PALS1: variants seen among roughly 807,000 people sequenced by gnomAD.
PALS1 encodes protein PALS1.
Under a neutral mutation model 78.9 loss-of-function variants are expected in PALS1, and 31 were observed. The observed-to-expected ratio is 0.39, with a 90% CI of 0.30 to 0.53. The LOEUF is 0.53. Ranked by LOEUF, PALS1 falls within the 20% of genes least tolerant of loss-of-function variation. PALS1 has a pLI of 0.67. For missense variants in PALS1, 704 were observed against 826.5 expected (o/e 0.85, Z 1.82); for synonymous variants, 276 against 270.9 (o/e 1.02, Z -0.18).
chr14:67,330,551 C>T (rs182521349), intron 14 of PALS1, among the ~76,000 whole-genome samples: 23 of 150,638 alleles, frequency 1.5e-4, no homozygotes, highest in Admixed American at 1.2e-3. Flanking sequence ...CTCTGCCTCC[C>T]GGGTTCAAGC....
chr14:67,280,895 CTTT>C (rs2084599923), intron 3 of PALS1, among the ~76,000 whole-genome samples: 3 of 103,602 alleles, frequency 2.9e-5, no homozygotes, highest in African/African-American at 1.1e-4. Flanking sequence ...TCTTTCTTTT[CTTT>C]CTTTCTTTTT....
Position 67,279,103 on chromosome 14 carries a change from G to T in PALS1, c.-68G>T. The T allele has an allele frequency of 2.9e-6, 4 of 1,375,414 alleles. No individual in the cohort carries two copies. The highest frequency in any genetic ancestry group is 2.9e-6 in the Non-Finnish European group (3 of 1,036,916). 85.2% of individuals were successfully genotyped at this position (1,375,414 alleles called of 1,614,324 possible). The stretch of plus-strand genomic sequence containing the variant: ...GAAGTAACATGGATTTTATACTACA[G>T]AATCAAGAGAATTGGCTTATAGGAA... On this transcript the variant is annotated 5_prime_UTR_variant, in exon 3 of 15. Transcript: ENST00000261681.
At chr14:67,320,435 A>T (rs765715251) in intron 12 of PALS1, 38 bp downstream of exon 12, 2 of 1,534,414 alleles carry the variant, frequency 1.3e-6, no homozygotes, top group Non-Finnish European at 8.8e-7. Context: ...TGTGCTTTTC[A>T]ATTTACCAGC....
At chr14:67,254,039 C>A (rs2084106550) in intron 1 of PALS1, among the ~76,000 whole-genome samples, 1 of 124,880 alleles carries the variant, frequency 8.0e-6, no homozygotes, top group African/African-American at 3.3e-5. Context: ...CCCCCCCTTA[C>A]AAGTTTTCTT....
intron 13 of PALS1, among the ~76,000 whole-genome samples, chr14:67,322,280 G>A (rs530244879): frequency 3.3e-5 from 5 of 152,198 alleles, no homozygotes; most frequent in Admixed American, 6.5e-5. Flanking sequence ...CCAGGGAGGC[G>A]GAGATTGCAG....
At chr14:67,294,093 A>G (rs61990939) in intron 4 of PALS1, among the ~76,000 whole-genome samples, 10,559 of 152,280 alleles carry the variant, frequency 0.069, 541 homozygotes, top group Non-Finnish European at 0.11. Flanking sequence ...AAAAAGATCA[A>G]TTTTGAATAT....
intron 8 of PALS1, among the ~76,000 whole-genome samples, chr14:67,311,174 TGTG>T (rs2085082658): frequency 6.6e-6 from 1 of 151,762 alleles, no homozygotes; most frequent in Non-Finnish European, 1.5e-5. Context: ...AGCTGGGCGT[TGTG>T]GTGAGTGCCT....
chr14:67,330,545 G>A (rs1446526539), intron 14 of PALS1, among the ~76,000 whole-genome samples: 2 of 145,890 alleles, frequency 1.4e-5, no homozygotes, highest in African/African-American at 5.1e-5. Flanking sequence ...TGCAACCTCT[G>A]CCTCCCGGGT....
At chr14:67,290,752 C>A (rs2084758675) in intron 3 of PALS1, among the ~76,000 whole-genome samples, 1 of 151,956 alleles carries the variant, frequency 6.6e-6, no homozygotes, top group Non-Finnish European at 1.5e-5. Context: ...CCAGGCTGGT[C>A]TCCACCTCCT....
intron 1 of PALS1, among the ~76,000 whole-genome samples, chr14:67,264,909 A>G (rs1389490621): frequency 1.3e-5 from 2 of 152,196 alleles, no homozygotes; most frequent in African/African-American, 4.8e-5. Flanking sequence ...CCTTATTGAT[A>G]TCCAACAGAA....
At chr14:67,280,807 C>CCTTCCTTT (rs2084591378) in intron 3 of PALS1, among the ~76,000 whole-genome samples, 1 of 109,396 alleles carries the variant, frequency 9.1e-6, no homozygotes, top group Admixed American at 9.9e-5. Flanking sequence ...TTCCTTCCTT[C>CCTTCCTTT]CTTCCTTCCT....
intron 1 of PALS1, among the ~76,000 whole-genome samples, chr14:67,260,717 A>G (rs1327459152): frequency 6.6e-6 from 1 of 152,206 alleles, no homozygotes; most frequent in East Asian, 1.9e-4. Context: ...GCAGTATGTC[A>G]AAGTTTAATG....
In PALS1 at chr14:67,279,100, A is replaced by T. The variant is rs969402479; in HGVS notation, c.-71A>T. 5 of 1,410,554 alleles carry T rather than the reference A, an allele frequency of 3.5e-6. No homozygotes were observed. Among genetic ancestry groups the T allele is most frequent in the Admixed American group, 2.7e-5 (1 of 37,534 alleles). The allele number at this position is 1,410,554 out of a possible 1,614,324, so 87.4% of individuals were successfully genotyped here. A position where few individuals can be genotyped will look rare whatever the true frequency, so the allele number is the denominator to read the frequency against. ...TTTGAAGTAACATGGATTTTATACT[A>T]CAGAATCAAGAGAATTGGCTTATAG... On this transcript the variant is annotated 5_prime_UTR_variant, in exon 3 of 15. Transcript: ENST00000261681.
rs767117692 is a variant in PALS1, at chr14:67,332,931, G to A, written c.2003G>A (p.Trp668Ter). Residue 668 changes from tryptophan to a stop codon, truncating the protein, a stop_gained, in exon 15 of 15, where the codon TGG becomes TAG. Coordinates refer to ENST00000261681, the MANE Select transcript of PALS1 (RefSeq NM_022474.4). LOFTEE classifies it high-confidence loss of function. The part of the protein sequence containing the change: ...LINKLDTEPQ[W>*]VPSTWLR ...AACAAACTTGATACTGAACCTCAGT[G>A]GGTACCATCCACTTGGCTGAGGTGA... is the stretch of plus-strand genomic sequence containing the variant. 6.2e-7 allele frequency: 1 copy of A among 1,612,226 alleles called. No individual in the cohort carries two copies. The highest frequency in any genetic ancestry group is 2.2e-5 in the East Asian group (1 of 44,806).
intron 1 of PALS1, among the ~76,000 whole-genome samples, chr14:67,260,828 A>G (rs2084224086): frequency 6.6e-6 from 1 of 152,132 alleles, no homozygotes; most frequent in Non-Finnish European, 1.5e-5. Context: ...GAGGTGGGAA[A>G]TTGCAGGGCT....
At chr14:67,330,154 A>AATT (rs766433142) in intron 14 of PALS1, among the ~76,000 whole-genome samples, 3,549 of 105,708 alleles carry the variant, frequency 0.034, 64 homozygotes, top group Non-Finnish European at 0.042. Flanking sequence ...TAATAATAAT[A>AATT]ATTATTATTA....
Position 67,292,617 on chromosome 14 carries a change from T to A in PALS1, c.474T>A (p.Asp158Glu). The change falls in exon 4 of 15, where the codon GAT (aspartate) becomes GAA (glutamate). Residue 158 changes from aspartate to glutamate, a missense_variant. Transcript: ENST00000261681. ...TTTTACAACTTGTTCAAAATAAGGA[T>A]TTCCAGAATGCATTTAAGATACACA... ...SLLLQLVQNKDFQNAFKIHNA... is the reference protein window; with the variant it reads ...SLLLQLVQNKEFQNAFKIHNA... 6.2e-7 allele frequency: 1 copy of A among 1,613,760 alleles called. No individual in the cohort carries two copies. Among genetic ancestry groups the A allele is most frequent in the African/African-American group, 1.3e-5 (1 of 75,038 alleles).
intron 3 of PALS1, among the ~76,000 whole-genome samples, chr14:67,280,853 T>TTCCTTCCTTCCCTCCTTCCC (rs1328488242): frequency 1.0e-3 from 81 of 77,562 alleles, no homozygotes; most frequent in Admixed American, 2.5e-3. Context: ...CCTTCCTTCC[T>TTCCTTCCTTCCCTCCTTCCC]TCCCTCCCTC....
At chr14:67,315,380 CCTT>C (rs552885429) in intron 9 of PALS1, among the ~76,000 whole-genome samples, 158 of 149,626 alleles carry the variant, frequency 1.1e-3, no homozygotes, top group African/African-American at 3.7e-3. Flanking sequence ...GGGCTCATGC[CCTT>C]CTTCTCTCTC....
Sources: allele counts gnomAD v4.1 joint callset (sites outside exome capture counted in the v4.1 genomes callset), GRCh38; gene constraint gnomAD v4.1.1; transcripts MANE v1.5; gene names NCBI Gene and HGNC (gene_info 2026-07-23, HGNC 2026-07-21).